PGM5: variants seen among roughly 807,000 people sequenced by gnomAD.
PGM5 encodes phosphoglucomutase-like protein 5.
A neutral mutation model predicts 59.2 loss-of-function variants in PGM5; 23 were observed. The ratio of observed to expected loss-of-function variants is 0.39; its 90% confidence interval spans 0.28 to 0.55. The LOEUF (loss-of-function observed/expected upper bound fraction) is 0.55, where lower values mean the gene tolerates loss of function less well. Ranked by LOEUF, PGM5 falls within the 20% of genes least tolerant of loss-of-function variation. The pLI is 0.66. For synonymous variants in PGM5, 214 were observed against 286.0 expected, an observed-to-expected ratio of 0.75 and a Z score of 2.54; for missense variants, 574 against 748.3, an observed-to-expected ratio of 0.77 and a Z score of 2.72.
intron 9 of PGM5, 85 bp from the exon 10 acceptor site, chr9:68,499,142 A>C: frequency 7.0e-7 from 1 of 1,433,344 alleles, no homozygotes; most frequent in Non-Finnish European, 9.7e-7. Flanking sequence ...GTATAAAAAC[A>C]TGCTGATTTC....
chr9:68,390,101 A>G (rs1340006849), intron 4 of PGM5, among the ~76,000 whole-genome samples: 5 of 151,984 alleles, frequency 3.3e-5, no homozygotes, highest in African/African-American at 1.2e-4. Flanking sequence ...TTTCTGGCAT[A>G]TTTAAGAATG....
intron 1 of PGM5, among the ~76,000 whole-genome samples, chr9:68,371,179 A>G (rs1185308010): frequency 6.6e-6 from 1 of 152,166 alleles, no homozygotes; most frequent in African/African-American, 2.4e-5. Context: ...GGACTGGGTG[A>G]GGTTGCCCTT....
chr9:68,380,727 T>C (rs1381007349), intron 2 of PGM5, among the ~76,000 whole-genome samples: 7 of 151,630 alleles, frequency 4.6e-5, no homozygotes, highest in African/African-American at 1.7e-4. Flanking sequence ...CTCAAATAAA[T>C]AAAATCAGAA....
At chr9:68,516,985 C>A (rs1416353510) in intron 10 of PGM5, among the ~76,000 whole-genome samples, 1 of 152,034 alleles carries the variant, frequency 6.6e-6, no homozygotes, top group African/African-American at 2.4e-5. Context: ...AATTCTCCTG[C>A]CTCAGCTTCC....
intron 7 of PGM5, among the ~76,000 whole-genome samples, chr9:68,470,004 G>A (rs189582223): frequency 6.6e-6 from 1 of 152,206 alleles, no homozygotes; most frequent in African/African-American, 2.4e-5. Context: ...GGAAAGGGAT[G>A]GGGAGAGATG....
chr9:68,377,715 C>A (rs1364894850), intron 1 of PGM5, among the ~76,000 whole-genome samples: 1 of 152,272 alleles, frequency 6.6e-6, no homozygotes, highest in South Asian at 2.1e-4. Context: ...CTGAAGATTA[C>A]AGTTAAAATA....
chr9:68,387,128 G>T (rs1822241520), intron 3 of PGM5, among the ~76,000 whole-genome samples: 1 of 151,928 alleles, frequency 6.6e-6, no homozygotes, highest in Non-Finnish European at 1.5e-5. Flanking sequence ...TGTGTGCTGT[G>T]TGCATTTTTT....
chr9:68,416,999 A>G (rs1342228389), intron 6 of PGM5, among the ~76,000 whole-genome samples: 1 of 152,204 alleles, frequency 6.6e-6, no homozygotes, highest in African/African-American at 2.4e-5. Flanking sequence ...AACGGGGTTC[A>G]GTAGGTTGGC....
intron 6 of PGM5, among the ~76,000 whole-genome samples, chr9:68,454,018 C>G (rs1823735720): frequency 6.6e-6 from 1 of 152,200 alleles, no homozygotes; most frequent in Admixed American, 6.5e-5. Context: ...ATCTCTTTCT[C>G]TCTGCTCCCC....
At position 68,527,734 on chromosome 9, in the gene PGM5, G is replaced by GA. The variant is rs61528287; in HGVS notation, c.1615-1833_1615-1832insA. The stretch of plus-strand genomic sequence containing the variant: ...TTCATTTTTCTTCCAGCTTCCAGGA[G>GA]TCTATGTGAGCTTGTCCATCTAGCC... On this transcript the variant is annotated intron_variant, in intron 10 of 10. Coordinates refer to ENST00000396396, the MANE Select transcript of PGM5 (RefSeq NM_021965.4). 2.6e-5 allele frequency among the ~76,000 whole-genome samples: 4 copies of GA among 152,128 alleles called. No individual in the cohort carries two copies. In the East Asian group the frequency reaches 7.8e-4, roughly 30 times the overall value.
intron 10 of PGM5, among the ~76,000 whole-genome samples, chr9:68,519,493 TA>T (rs1471112947): frequency 2.6e-5 from 4 of 151,354 alleles, no homozygotes; most frequent in East Asian, 1.9e-4. Context: ...AGGTAACGAT[TA>T]AAAAAAATAG....
chr9:68,444,868 G>A (rs931101409), intron 6 of PGM5, among the ~76,000 whole-genome samples: 5 of 152,198 alleles, frequency 3.3e-5, no homozygotes, highest in African/African-American at 9.6e-5. Context: ...AAAGGTGGTG[G>A]GTATTATGGC....
chr9:68,517,572 G>A (rs1824841977), intron 10 of PGM5, among the ~76,000 whole-genome samples: 1 of 152,254 alleles, frequency 6.6e-6, no homozygotes, highest in African/African-American at 2.4e-5. Flanking sequence ...AGAGCATGGT[G>A]GGCACTCTGG....
chr9:68,441,898 G>T (rs782364367), intron 6 of PGM5, among the ~76,000 whole-genome samples: 30 of 152,196 alleles, frequency 2.0e-4, no homozygotes, highest in Admixed American at 7.9e-4. Flanking sequence ...TCAATACTCA[G>T]AAGTCAATTT....
At chr9:68,457,755 T>C (rs1823800893) in intron 6 of PGM5, among the ~76,000 whole-genome samples, 1 of 152,258 alleles carries the variant, frequency 6.6e-6, no homozygotes, top group Admixed American at 6.5e-5. Flanking sequence ...TTTTAGTTTA[T>C]AGGAGTGAAT....
At chr9:68,441,783 T>C (rs1204047096) in intron 6 of PGM5, among the ~76,000 whole-genome samples, 1 of 151,986 alleles carries the variant, frequency 6.6e-6, no homozygotes, top group Non-Finnish European at 1.5e-5. Context: ...TTAAAAGGCA[T>C]ATAGGGTGAA....
intron 9 of PGM5, among the ~76,000 whole-genome samples, chr9:68,492,689 A>G (rs984023981): frequency 1.3e-5 from 2 of 152,214 alleles, no homozygotes; most frequent in East Asian, 1.9e-4. Context: ...TAACTCACAC[A>G]AAAGCACCAT....
intron 6 of PGM5, among the ~76,000 whole-genome samples, chr9:68,462,588 A>C (rs782541351): frequency 2.0e-5 from 3 of 152,148 alleles, no homozygotes; most frequent in Non-Finnish European, 4.4e-5. Context: ...TTAATTGGAA[A>C]GGGTGGGAGC....
chr9:68,465,647 C>T (rs1350306907), intron 7 of PGM5, among the ~76,000 whole-genome samples: 1 of 152,124 alleles, frequency 6.6e-6, no homozygotes, highest in Non-Finnish European at 1.5e-5. Context: ...TATAAGGGCT[C>T]TTGTTCAGAA....
Sources: gnomAD v4.1 joint callset for allele counts (sites outside exome capture counted in the v4.1 genomes callset) on GRCh38, gnomAD v4.1.1 for gene constraint, MANE v1.5 for transcripts, NCBI Gene and HGNC (gene_info 2026-07-23, HGNC 2026-07-21) for gene names.